RSPO2: variants seen among roughly 807,000 people sequenced by gnomAD.
RSPO2 encodes the protein R-spondin-2.
In RSPO2, 14 loss-of-function variants were observed where a neutral mutation model predicts 30.9. The ratio of observed to expected loss-of-function variants is 0.45; its 90% CI spans 0.30 to 0.71. The LOEUF is 0.71. Among genes scored for constraint, RSPO2 ranks in the 30% least tolerant of loss-of-function variants. The pLI is 0.08. For synonymous variants in RSPO2, 107 were observed against 96.4 expected, an observed-to-expected ratio of 1.11 and a Z score of -0.64; for missense variants, 264 against 301.9, an observed-to-expected ratio of 0.87 and a Z score of 0.93.
chr8:107,997,350 G>C (rs191305117), intron 2 of RSPO2: 1 of 152,824 alleles, frequency 6.5e-6, no homozygotes, highest in Non-Finnish European at 1.5e-5. Context: ...CAAGTGTGCA[G>C]GTGGATAAAC....
At chr8:108,034,702 G>A (rs1160991822) in intron 2 of RSPO2, among the ~76,000 whole-genome samples, 1 of 152,180 alleles carries the variant, frequency 6.6e-6, no homozygotes, top group Non-Finnish European at 1.5e-5. Flanking sequence ...CCAAGAAGTT[G>A]TGAGTCCACA....
chr8:107,915,271 C>T (rs1811944559), intron 5 of RSPO2, among the ~76,000 whole-genome samples: 1 of 152,078 alleles, frequency 6.6e-6, no homozygotes, highest in Admixed American at 6.6e-5. Context: ...GGAGACATCC[C>T]ATAACTGTAG....
intron 2 of RSPO2, chr8:108,081,981 A>G: frequency 3.1e-6 from 3 of 962,038 alleles, no homozygotes; most frequent in Non-Finnish European, 3.7e-6. Context: ...CTTTTTCTGG[A>G]AAGGGAGGTC....
intron 5 of RSPO2, among the ~76,000 whole-genome samples, chr8:107,941,601 A>T (rs966902931): frequency 6.6e-6 from 1 of 152,216 alleles, no homozygotes; most frequent in Admixed American, 6.5e-5. Flanking sequence ...ATATAAAATA[A>T]AATGAAATTT....
intron 3 of RSPO2, among the ~76,000 whole-genome samples, chr8:107,963,567 T>A (rs936659084): frequency 1.6e-5 from 2 of 124,854 alleles, no homozygotes; most frequent in African/African-American, 6.0e-5. Flanking sequence ...TTGCAAGATA[T>A]ATATAGTATG....
At chr8:108,050,667 A>G (rs1164908852) in intron 2 of RSPO2, among the ~76,000 whole-genome samples, 3 of 152,232 alleles carry the variant, frequency 2.0e-5, no homozygotes, top group Non-Finnish European at 4.4e-5. Context: ...AGTTGCAAGC[A>G]TGGATAACTG....
At chr8:107,974,655 C>T (rs1214147001) in intron 3 of RSPO2, among the ~76,000 whole-genome samples, 1 of 151,852 alleles carries the variant, frequency 6.6e-6, no homozygotes, top group Non-Finnish European at 1.5e-5. Flanking sequence ...TGTTCAGTAT[C>T]CACATTTGTT....
At chr8:108,003,311 A>ATTT (rs869040336) in intron 2 of RSPO2, among the ~76,000 whole-genome samples, 2 of 29,036 alleles carry the variant, frequency 6.9e-5, no homozygotes, top group East Asian at 2.9e-3. Context: ...ATATATATAT[A>ATTT]TTTTTTTTTT....
chr8:108,027,777 CT>C (rs768452543), intron 2 of RSPO2, among the ~76,000 whole-genome samples: 9 of 152,136 alleles, frequency 5.9e-5, no homozygotes, highest in Non-Finnish European at 1.2e-4. Context: ...TATTTCACCC[CT>C]AATATGTTCT....
intron 3 of RSPO2, among the ~76,000 whole-genome samples, chr8:107,978,242 A>C (rs781609113): frequency 5.9e-5 from 9 of 152,120 alleles, no homozygotes; most frequent in Non-Finnish European, 1.2e-4. Context: ...AGCCTGGCCA[A>C]CATGGTGAAA....
chr8:108,056,188 AT>A (rs915979720), intron 2 of RSPO2, among the ~76,000 whole-genome samples: 16 of 152,294 alleles, frequency 1.1e-4, no homozygotes, highest in African/African-American at 3.9e-4. Flanking sequence ...ATTATTGGAC[AT>A]TTATAATCAA....
intron 2 of RSPO2, among the ~76,000 whole-genome samples, chr8:107,995,254 T>C (rs1224058785): frequency 6.6e-6 from 1 of 152,142 alleles, no homozygotes; most frequent in African/African-American, 2.4e-5. Context: ...TTTAATACTT[T>C]ATTTCCCTAA....
chr8:107,958,020 T>A, intron 5 of RSPO2, 60 bp downstream of exon 5: 1 of 1,136,024 alleles, frequency 8.8e-7, no homozygotes, highest in Non-Finnish European at 1.2e-6. Flanking sequence ...GGAAGGTGGT[T>A]AGGAAGCGGG....
chr8:107,967,414 A>C (rs1485810916), intron 3 of RSPO2, among the ~76,000 whole-genome samples: 2 of 152,214 alleles, frequency 1.3e-5, no homozygotes, highest in Non-Finnish European at 2.9e-5. Flanking sequence ...GTACCATTAC[A>C]GTAATTCCAC....
intron 2 of RSPO2, among the ~76,000 whole-genome samples, chr8:108,000,745 T>C (rs1441340177): frequency 6.6e-6 from 1 of 152,122 alleles, no homozygotes; most frequent in African/African-American, 2.4e-5. Flanking sequence ...CTCATGCCTG[T>C]AATCCCAGCA....
At chr8:107,964,364 T>TC (rs1813729124) in intron 3 of RSPO2, among the ~76,000 whole-genome samples, 1 of 152,180 alleles carries the variant, frequency 6.6e-6, no homozygotes, top group African/African-American at 2.4e-5. Flanking sequence ...TGCCTCAGCG[T>TC]CCCAGTAGCT....
At chr8:107,992,988 G>A (rs1325387583) in intron 2 of RSPO2, among the ~76,000 whole-genome samples, 3 of 152,052 alleles carry the variant, frequency 2.0e-5, no homozygotes, top group Non-Finnish European at 4.4e-5. Flanking sequence ...AGAGGAAGTA[G>A]AATGCAACAA....
chr8:108,047,855 A>AG (rs1811952300), intron 2 of RSPO2, among the ~76,000 whole-genome samples: 1 of 125,020 alleles, frequency 8.0e-6, no homozygotes, highest in South Asian at 2.7e-4. Context: ...CGGCTCAGGG[A>AG]GAAAAAAAAA....
chr8:108,000,610 T>C (rs1815209933), intron 2 of RSPO2, among the ~76,000 whole-genome samples: 2 of 151,814 alleles, frequency 1.3e-5, no homozygotes, highest in Non-Finnish European at 1.5e-5. Context: ...ATTTAGCACT[T>C]TGCCAAGCCA....
Sources: gnomAD v4.1 joint callset for allele counts (sites outside exome capture counted in the v4.1 genomes callset) on GRCh38, gnomAD v4.1.1 for gene constraint, MANE v1.5 for transcripts, NCBI Gene and HGNC (gene_info 2026-07-23, HGNC 2026-07-21) for gene names.